The following CNTN4 variants were observed in gnomAD, a reference collection of about 807,000 sequenced individuals.
CNTN4 encodes contactin-4.
In CNTN4, 77 loss-of-function variants were observed where a neutral mutation model predicts 122.5. The ratio of observed to expected loss-of-function variants is 0.63; its 90% CI spans 0.52 to 0.76. The LOEUF is 0.76. Among genes scored for constraint, CNTN4 ranks in the 30% least tolerant of loss-of-function variants. The pLI is 0.00. For missense variants in CNTN4, 1,256 were observed against 1,259.1 expected (o/e 1.00, Z 0.04); for synonymous variants, 512 against 447.0 (o/e 1.15, Z -1.83).
intron 4 of CNTN4, among the ~76,000 whole-genome samples, chr3:2,640,562 A>G (rs2082855249): frequency 6.6e-6 from 1 of 152,198 alleles, no homozygotes; most frequent in Non-Finnish European, 1.5e-5. Flanking sequence ...TAGTGGGAAC[A>G]CTTACAAAGC....
At chr3:3,018,490 AG>A (rs1697973188) in intron 14 of CNTN4, among the ~76,000 whole-genome samples, 1 of 152,142 alleles carries the variant, frequency 6.6e-6, no homozygotes, top group African/African-American at 2.4e-5. Flanking sequence ...ACAGTGAGTG[AG>A]GATGCAGAAT....
At chr3:2,163,987 T>C (rs1205832110) in intron 2 of CNTN4, among the ~76,000 whole-genome samples, 17 of 152,032 alleles carry the variant, frequency 1.1e-4, no homozygotes, top group Admixed American at 1.1e-3. Context: ...GCTGCAAAGG[T>C]ATAACAATGA....
chr3:2,890,014 G>A (rs533617318), intron 10 of CNTN4, among the ~76,000 whole-genome samples: 1 of 152,230 alleles, frequency 6.6e-6, no homozygotes, highest in South Asian at 2.1e-4. Flanking sequence ...AGCCATGCAT[G>A]GGAAAAAGAG....
chr3:2,306,629 G>A (rs1666350), intron 2 of CNTN4, among the ~76,000 whole-genome samples: 36,582 of 151,814 alleles, frequency 0.24, 4,648 homozygotes, highest in East Asian at 0.47. Context: ...ATGAATATAA[G>A]GACCATCTTT....
intron 3 of CNTN4, among the ~76,000 whole-genome samples, chr3:2,513,851 A>G (rs551723768): frequency 6.6e-6 from 1 of 152,278 alleles, no homozygotes; most frequent in South Asian, 2.1e-4. Context: ...GGGAAGCCAG[A>G]TATACCTTGT....
At chr3:2,831,440 T>C (rs1374407374) in intron 7 of CNTN4, among the ~76,000 whole-genome samples, 3 of 152,230 alleles carry the variant, frequency 2.0e-5, no homozygotes, top group Non-Finnish European at 4.4e-5. Flanking sequence ...GTCTGCATTA[T>C]GAACTCAAAG....
chr3:2,924,664 T>G (rs1301200879), intron 12 of CNTN4, among the ~76,000 whole-genome samples: 1 of 152,212 alleles, frequency 6.6e-6, no homozygotes, highest in Non-Finnish European at 1.5e-5. Flanking sequence ...GGTGTTAGCA[T>G]GAGTGAATTT....
At chr3:2,187,054 GT>G (rs1438568596) in intron 2 of CNTN4, among the ~76,000 whole-genome samples, 9 of 152,106 alleles carry the variant, frequency 5.9e-5, no homozygotes, top group Admixed American at 2.0e-4. Flanking sequence ...GTTTTTTATG[GT>G]TTTAGGTCTA....
chr3:2,737,890 C>A (rs1266500398), intron 5 of CNTN4, among the ~76,000 whole-genome samples: 1 of 152,156 alleles, frequency 6.6e-6, no homozygotes, highest in Admixed American at 6.5e-5. Flanking sequence ...GTCTTTCAAA[C>A]ATTAAACCTT....
Position 2,678,403 on chromosome 3 carries a change from G to A in CNTN4, c.56-57812G>A, listed in dbSNP as rs1054907792. Among the ~76,000 whole-genome samples, 13 of 151,982 alleles carry A rather than the reference G, an allele frequency of 8.6e-5. 1 individual carries two copies. Among genetic ancestry groups the A allele is most frequent in the East Asian group, 3.9e-4 (2 of 5,172 alleles). ...TTCAGTGAATATATTATACATGTTCGACTTTATCTTACTAGGTAGCTGCTT... is the reference window on the plus strand; with the variant it reads ...TTCAGTGAATATATTATACATGTTCAACTTTATCTTACTAGGTAGCTGCTT... On this transcript the variant is annotated intron_variant, in intron 4 of 24. Coordinates refer to ENST00000418658, the MANE Select transcript of CNTN4 (RefSeq NM_175607.3).
At chr3:2,460,700 T>C (rs1234109065) in intron 3 of CNTN4, among the ~76,000 whole-genome samples, 1 of 152,198 alleles carries the variant, frequency 6.6e-6, no homozygotes, top group Non-Finnish European at 1.5e-5. Flanking sequence ...TTGAAGATAG[T>C]TTTATCCAAA....
chr3:2,137,298 T>G (rs1353066958), intron 2 of CNTN4, among the ~76,000 whole-genome samples: 2 of 152,176 alleles, frequency 1.3e-5, no homozygotes, highest in Non-Finnish European at 2.9e-5. Flanking sequence ...ACCCATAAAA[T>G]GCAAGTGATT....
At chr3:2,668,519 A>C (rs892455286) in intron 4 of CNTN4, among the ~76,000 whole-genome samples, 5 of 152,218 alleles carry the variant, frequency 3.3e-5, no homozygotes, top group African/African-American at 1.2e-4. Flanking sequence ...TTCTAGATAT[A>C]CAATCAGGTC....
At chr3:2,319,607 CTCTT>C (rs1399992102) in intron 2 of CNTN4, among the ~76,000 whole-genome samples, 23 of 151,716 alleles carry the variant, frequency 1.5e-4, no homozygotes, top group Non-Finnish European at 2.6e-4. Flanking sequence ...TAAATGTTTC[CTCTT>C]TCTTATGATT....
intron 13 of CNTN4, among the ~76,000 whole-genome samples, chr3:2,972,565 A>G (rs1305592423): frequency 4.6e-5 from 7 of 152,166 alleles, no homozygotes. Flanking sequence ...CAGTTGTAGC[A>G]CATTTTGTTT....
intron 23 of CNTN4, 125 bp from the exon 24 acceptor site, chr3:3,053,681 TG>T: frequency 1.1e-6 from 1 of 883,512 alleles, no homozygotes; most frequent in South Asian, 1.4e-5. Context: ...CAAATGCAAG[TG>T]GGCAGCCAGA....
chr3:2,293,850 A>G (rs1014804), intron 2 of CNTN4, among the ~76,000 whole-genome samples: 44,393 of 151,916 alleles, frequency 0.29, 6,822 homozygotes, highest in East Asian at 0.58. Context: ...GTTTGTGTCA[A>G]TTATCTCTTG....
chr3:2,598,042 A>C (rs1344098894), intron 4 of CNTN4, among the ~76,000 whole-genome samples: 1 of 152,058 alleles, frequency 6.6e-6, no homozygotes, highest in Non-Finnish European at 1.5e-5. Context: ...TGATTTTTGT[A>C]ATTCTTTTTT....
At position 2,195,982 on chromosome 3, in the gene CNTN4, G is replaced by T. The variant is rs114514393; in HGVS notation, c.-145+95343G>T. On this transcript the variant is annotated intron_variant, in intron 2 of 24. Coordinates refer to ENST00000418658, the MANE Select transcript of CNTN4 (RefSeq NM_175607.3). The stretch of plus-strand genomic sequence containing the variant: ...GCTTTTGATAAATACTCACATGTTT[G>T]TCTGATCCATTTTTGAGTATAAACT... Among the ~76,000 whole-genome samples, 1,402 of 151,248 alleles carry T rather than the reference G, an allele frequency of 9.3e-3. 22 individuals are homozygous for T. Among genetic ancestry groups the T allele is most frequent in the African/African-American group, 0.032 (1,312 of 41,470 alleles).
Sources: allele counts gnomAD v4.1 joint callset (sites outside exome capture counted in the v4.1 genomes callset), GRCh38; gene constraint gnomAD v4.1.1; transcripts MANE v1.5; gene names NCBI Gene and HGNC (gene_info 2026-07-23, HGNC 2026-07-21).